Variants in NOS1AP observed in about 807,000 individuals in gnomAD.
NOS1AP encodes the protein nitric oxide synthase 1 adaptor protein.
NOS1AP carries 21 observed loss-of-function variants against 56.2 expected under a neutral mutation model. The ratio of observed to expected loss-of-function variants is 0.37; its 90% CI spans 0.26 to 0.54. NOS1AP has a LOEUF of 0.54. Among genes scored for constraint, NOS1AP ranks in the 20% least tolerant of loss-of-function variants. The probability of loss-of-function intolerance (pLI) is 0.84; values close to 1 mark genes in which losing one functional copy is unlikely to be tolerated. For synonymous variants in NOS1AP, 270 were observed against 274.6 expected (o/e 0.98, Z 0.17); for missense variants, 522 against 657.8 (o/e 0.79, Z 2.26).
intron 2 of NOS1AP, among the ~76,000 whole-genome samples, chr1:162,170,217 A>G (rs996163828): frequency 6.6e-6 from 1 of 152,228 alleles, no homozygotes; most frequent in Non-Finnish European, 1.5e-5. Context: ...TGCTTGGGGT[A>G]GTAATAATTG....
At chr1:162,204,617 T>C (rs934174156) in intron 2 of NOS1AP, among the ~76,000 whole-genome samples, 3 of 152,224 alleles carry the variant, frequency 2.0e-5, no homozygotes, top group Admixed American at 2.0e-4. Flanking sequence ...ATCCCATGTA[T>C]GTCTGCCTTG....
chr1:162,135,823 A>G (rs1477073286), intron 1 of NOS1AP, among the ~76,000 whole-genome samples: 1 of 152,202 alleles, frequency 6.6e-6, no homozygotes, highest in Non-Finnish European at 1.5e-5. Flanking sequence ...TGATTCACCC[A>G]TGTTACTTAA....
chr1:162,299,745 T>C (rs932292107), intron 3 of NOS1AP, among the ~76,000 whole-genome samples: 1 of 152,134 alleles, frequency 6.6e-6, no homozygotes, highest in Non-Finnish European at 1.5e-5. Context: ...AATTCAGGGA[T>C]TAAATGTGGT....
intron 1 of NOS1AP, among the ~76,000 whole-genome samples, chr1:162,076,419 T>C (rs1480532806): frequency 6.6e-6 from 1 of 152,258 alleles, no homozygotes; most frequent in East Asian, 1.9e-4. Flanking sequence ...CTTTTTACTA[T>C]TGAGTTCCCT....
intron 2 of NOS1AP, among the ~76,000 whole-genome samples, chr1:162,191,927 G>A (rs1253854357): frequency 1.3e-5 from 2 of 152,132 alleles, no homozygotes; most frequent in African/African-American, 4.8e-5. Context: ...GAGCTAGGGG[G>A]TTCTATTCTA....
intron 3 of NOS1AP, among the ~76,000 whole-genome samples, chr1:162,289,575 C>A (rs921808652): frequency 6.9e-6 from 1 of 144,532 alleles, no homozygotes; most frequent in Non-Finnish European, 1.5e-5. Context: ...CCCGGGTTCA[C>A]GCCATTCTCC....
intron 5 of NOS1AP, chr1:162,342,758 G>T: frequency 2.7e-6 from 1 of 372,416 alleles, no homozygotes; most frequent in South Asian, 2.0e-5. Flanking sequence ...GTGGGAGGTG[G>T]ATGTGATTGA....
At chr1:162,252,216 T>C (rs547034065) in intron 2 of NOS1AP, among the ~76,000 whole-genome samples, 13 of 152,104 alleles carry the variant, frequency 8.5e-5, no homozygotes, top group East Asian at 7.8e-4. Context: ...CCAGCTAATT[T>C]TTGTATTTTT....
rs1480278757 is a variant in NOS1AP, at chr1:162,321,731, A to AAAATATATATAT, written c.345-11285_345-11284insAATATATATATA. ...CTTAAAGTATAATTAAAAAAAAAAA[A>AAAATATATATAT]ATATATATATATATATATATAAAAG... is the stretch of plus-strand genomic sequence containing the variant. On this transcript the variant is annotated intron_variant, in intron 4 of 9. Coordinates refer to ENST00000361897, the MANE Select transcript of NOS1AP (RefSeq NM_014697.3). 5.8e-4 allele frequency among the ~76,000 whole-genome samples: 75 copies of AAAATATATATAT among 128,460 alleles called. 1 individual carries two copies. Among genetic ancestry groups the AAAATATATATAT allele is most frequent in the African/African-American group, 1.7e-3 (60 of 34,524 alleles). The allele number at this position is 128,460 out of a possible 152,430, so 84.3% of individuals were successfully genotyped here. A position where few individuals can be genotyped will look rare whatever the true frequency, so the allele number is the denominator to read the frequency against.
chr1:162,263,562 A>G (rs942520475), intron 2 of NOS1AP, among the ~76,000 whole-genome samples: 1 of 152,126 alleles, frequency 6.6e-6, no homozygotes, highest in Non-Finnish European at 1.5e-5. Flanking sequence ...GCATTTTCCT[A>G]TGGTTTCACA....
At chr1:162,343,809 C>A in intron 5 of NOS1AP, 26 bp from the exon 6 acceptor site, 1 of 1,614,058 alleles carries the variant, frequency 6.2e-7, no homozygotes, top group South Asian at 1.1e-5. Flanking sequence ...CTCACCCATC[C>A]TGTTCTTCTC....
In NOS1AP at chr1:162,088,992, C is replaced by G. The variant is rs774673732; in HGVS notation, c.105+18710C>G. On this transcript the variant is annotated intron_variant, in intron 1 of 9. Transcript: ENST00000361897. Reference sequence around the variant, plus strand: ...CCTTCCCCTTCATCTCTCTTCCACTCCTTGTGTATTTTGTGTCTCAGACCT... The same window carrying G: ...CCTTCCCCTTCATCTCTCTTCCACTGCTTGTGTATTTTGTGTCTCAGACCT... 3.9e-5 allele frequency among the ~76,000 whole-genome samples: 6 copies of G among 152,194 alleles called. No homozygotes were observed. In the East Asian group the frequency reaches 7.7e-4, roughly 20 times the overall value.
intron 4 of NOS1AP, among the ~76,000 whole-genome samples, chr1:162,332,451 G>T (rs937086066): frequency 6.6e-6 from 1 of 152,090 alleles, no homozygotes; most frequent in Admixed American, 6.6e-5. Context: ...ATAGTGCCTG[G>T]CCCACAGTGT....
Position 162,113,420 on chromosome 1 carries a change from T to C in NOS1AP, c.106-40985T>C, listed in dbSNP as rs529489850. Among the ~76,000 whole-genome samples the C allele has an allele frequency of 2.4e-4, 37 of 152,332 alleles. 1 individual carries two copies. Among genetic ancestry groups the C allele is most frequent in the Non-Finnish European group, 4.6e-4 (31 of 68,030 alleles). ...AGGCTGCTGATGAGGGCACCTCCTC[T>C]AATGAGTCCATTCTTGCATTGTTGT... is the stretch of plus-strand genomic sequence containing the variant. On this transcript the variant is annotated intron_variant, in intron 1 of 9. Coordinates refer to ENST00000361897, the MANE Select transcript of NOS1AP (RefSeq NM_014697.3).
intron 1 of NOS1AP, among the ~76,000 whole-genome samples, chr1:162,138,652 T>C (rs965561999): frequency 2.6e-5 from 4 of 152,128 alleles, no homozygotes; most frequent in African/African-American, 9.7e-5. Flanking sequence ...CTGAGCTTGC[T>C]TTTTCAGCAC....
intron 1 of NOS1AP, among the ~76,000 whole-genome samples, chr1:162,149,375 G>A (rs924696152): frequency 4.6e-5 from 7 of 152,190 alleles, no homozygotes; most frequent in African/African-American, 1.7e-4. Flanking sequence ...GTTTACTGCA[G>A]AATTGCTTGA....
At chr1:162,318,007 T>G (rs940457045) in intron 4 of NOS1AP, among the ~76,000 whole-genome samples, 1 of 152,128 alleles carries the variant, frequency 6.6e-6, no homozygotes, top group Non-Finnish European at 1.5e-5. Flanking sequence ...GGGAGAGGGA[T>G]ACAAGCCAGG....
intron 8 of NOS1AP, 75 bp downstream of exon 8, chr1:162,357,211 C>T (rs768070716): frequency 6.4e-7 from 1 of 1,557,022 alleles, no homozygotes. Flanking sequence ...GCGAGGGGCT[C>T]AGGGCAGGTT....
At chr1:162,247,598 AC>A (rs1382303271) in intron 2 of NOS1AP, among the ~76,000 whole-genome samples, 2 of 152,130 alleles carry the variant, frequency 1.3e-5, no homozygotes, top group African/African-American at 4.8e-5. Flanking sequence ...TAATTTCTAC[AC>A]TTGTTTCTGT....
Sources: gnomAD v4.1 joint callset for allele counts (sites outside exome capture counted in the v4.1 genomes callset) on GRCh38, gnomAD v4.1.1 for gene constraint, MANE v1.5 for transcripts, NCBI Gene and HGNC (gene_info 2026-07-23, HGNC 2026-07-21) for gene names.